Variants in NPAS3 observed in about 807,000 individuals in gnomAD.
NPAS3 encodes neuronal PAS domain protein 3.
NPAS3 carries 14 observed loss-of-function variants against 73.1 expected under a neutral mutation model. The observed-to-expected ratio is 0.19, with a 90% CI of 0.13 to 0.30. NPAS3 has a LOEUF of 0.30. NPAS3 is among the 10% of genes least tolerant of loss of function. NPAS3 has a pLI of 1.00. For synonymous variants in NPAS3, 620 were observed against 541.5 expected (o/e 1.14, Z -2.01); for missense variants, 1,096 against 1,250.0 (o/e 0.88, Z 1.86).
intron 6 of NPAS3, among the ~76,000 whole-genome samples, chr14:33,683,222 T>A (rs928665415): frequency 6.6e-6 from 1 of 152,162 alleles, no homozygotes; most frequent in Non-Finnish European, 1.5e-5. Context: ...TCAGTTTATA[T>A]GCAGCATTCT....
intron 2 of NPAS3, among the ~76,000 whole-genome samples, chr14:33,119,682 A>G (rs1422486202): frequency 6.6e-6 from 1 of 152,116 alleles, no homozygotes; most frequent in Non-Finnish European, 1.5e-5. Context: ...GATGAAAGGA[A>G]AACTTGAAAT....
At chr14:33,413,527 A>G (rs2048021391) in intron 4 of NPAS3, among the ~76,000 whole-genome samples, 2 of 152,056 alleles carry the variant, frequency 1.3e-5, no homozygotes, top group Admixed American at 1.3e-4. Context: ...TTAGCTGCTT[A>G]TCTTTGAGCG....
intron 2 of NPAS3, among the ~76,000 whole-genome samples, chr14:33,088,517 G>A (rs567690679): frequency 6.6e-6 from 1 of 152,340 alleles, no homozygotes; most frequent in South Asian, 2.1e-4. Flanking sequence ...GCTGAGGCTT[G>A]AGTAGGTAAA....
chr14:33,429,797 G>T (rs750338896), intron 4 of NPAS3, among the ~76,000 whole-genome samples: 14 of 152,150 alleles, frequency 9.2e-5, no homozygotes, highest in Non-Finnish European at 1.8e-4. Context: ...ATGATGATAT[G>T]TGCTGCCTGG....
At chr14:33,452,988 G>T (rs1399038421) in intron 4 of NPAS3, among the ~76,000 whole-genome samples, 1 of 152,014 alleles carries the variant, frequency 6.6e-6, no homozygotes, top group Non-Finnish European at 1.5e-5. Flanking sequence ...TCCGAGAATG[G>T]CTTTTTCCCT....
At chr14:33,543,946 CATATATATATATATATATATATATAT>C (rs35154724) in intron 4 of NPAS3, among the ~76,000 whole-genome samples, 1,399 of 104,944 alleles carry the variant, frequency 0.013, 31 homozygotes, top group African/African-American at 0.034. Context: ...TGGCAAAGTG[CATATATATATATATATATATATATAT>C]ATATATATAT....
At chr14:33,622,190 A>G (rs2058094589) in intron 5 of NPAS3, among the ~76,000 whole-genome samples, 1 of 152,188 alleles carries the variant, frequency 6.6e-6, no homozygotes, top group Non-Finnish European at 1.5e-5. Flanking sequence ...GAGCAAAGAA[A>G]TAAACATTAG....
chr14:33,496,551 CA>C (rs1163433758), intron 4 of NPAS3, among the ~76,000 whole-genome samples: 1 of 152,134 alleles, frequency 6.6e-6, no homozygotes, highest in Non-Finnish European at 1.5e-5. Flanking sequence ...TCAACATACT[CA>C]AATAAATAAA....
At chr14:33,628,583 T>C (rs144800234) in intron 5 of NPAS3, among the ~76,000 whole-genome samples, 1 of 152,244 alleles carries the variant, frequency 6.6e-6, no homozygotes, top group Non-Finnish European at 1.5e-5. Context: ...TTGCATATCA[T>C]CTTTGTCTTT....
intron 2 of NPAS3, among the ~76,000 whole-genome samples, chr14:33,152,286 C>T (rs1283486428): frequency 6.6e-6 from 1 of 152,122 alleles, no homozygotes; most frequent in African/African-American, 2.4e-5. Flanking sequence ...AAAGCTTCAT[C>T]AGAGCCATTG....
At chr14:33,748,635 A>C (rs1463855086) in intron 7 of NPAS3, among the ~76,000 whole-genome samples, 2 of 152,164 alleles carry the variant, frequency 1.3e-5, no homozygotes, top group African/African-American at 4.8e-5. Flanking sequence ...CACTACCAGC[A>C]CTTTGCTTCT....
chr14:33,129,235 A>G (rs2009417), intron 2 of NPAS3, among the ~76,000 whole-genome samples: 22,281 of 152,156 alleles, frequency 0.15, 1,804 homozygotes, highest in Middle Eastern at 0.29. Context: ...TTATTAATGT[A>G]TCTCTTTTCT....
chr14:32,942,926 G>C (rs1438871154), intron 1 of NPAS3, among the ~76,000 whole-genome samples: 1 of 152,128 alleles, frequency 6.6e-6, no homozygotes, highest in Non-Finnish European at 1.5e-5. Context: ...CTGTCAACAA[G>C]AACTGTAATG....
At chr14:33,256,574 A>G (rs1157412088) in intron 3 of NPAS3, among the ~76,000 whole-genome samples, 1 of 152,136 alleles carries the variant, frequency 6.6e-6, no homozygotes, top group Non-Finnish European at 1.5e-5. Context: ...TTCAAAACAG[A>G]TTGATTTTGT....
chr14:33,680,083 C>A (rs1410363515), intron 6 of NPAS3, among the ~76,000 whole-genome samples: 1 of 152,180 alleles, frequency 6.6e-6, no homozygotes, highest in Non-Finnish European at 1.5e-5. Context: ...AGCACAGAAC[C>A]TCTGACCAAT....
intron 2 of NPAS3, among the ~76,000 whole-genome samples, chr14:33,107,492 T>C (rs999248056): frequency 6.6e-6 from 1 of 152,140 alleles, no homozygotes; most frequent in African/African-American, 2.4e-5. Context: ...CCACAGATAA[T>C]TGAGAATATG....
At chr14:33,288,626 A>G (rs1267533878) in intron 3 of NPAS3, among the ~76,000 whole-genome samples, 1 of 152,008 alleles carries the variant, frequency 6.6e-6, no homozygotes, top group African/African-American at 2.4e-5. Context: ...AAACACATCT[A>G]AACTATGATG....
chr14:33,544,825 A>ATATATATATAATATATATATATAAT, intron 4 of NPAS3, among the ~76,000 whole-genome samples: 4 of 112,190 alleles, frequency 3.6e-5, no homozygotes, highest in African/African-American at 1.6e-4. Context: ...TATATAATAT[A>ATATATATATAATATATATATATAAT]TATGTGTATA....
At chr14:33,233,152 A>C (rs754024841) in intron 3 of NPAS3, among the ~76,000 whole-genome samples, 2 of 152,304 alleles carry the variant, frequency 1.3e-5, no homozygotes, top group Non-Finnish European at 1.5e-5. Context: ...ATTTTGAATG[A>C]ATCTACCTCA....
Sources: gnomAD v4.1 joint callset for allele counts (sites outside exome capture counted in the v4.1 genomes callset) on GRCh38, gnomAD v4.1.1 for gene constraint, MANE v1.5 for transcripts, NCBI Gene and HGNC (gene_info 2026-07-23, HGNC 2026-07-21) for gene names.